MIEF1: variants seen among roughly 807,000 people sequenced by gnomAD.
MIEF1 encodes mitochondrial elongation factor 1.
A neutral mutation model predicts 35.1 loss-of-function variants in MIEF1; 14 were observed. The observed-to-expected ratio is 0.40, with a 90% CI of 0.26 to 0.62. The LOEUF is 0.62. MIEF1 is among the 20% of genes least tolerant of loss of function. The pLI is 0.43. For missense variants in MIEF1, 542 were observed against 615.4 expected (o/e 0.88, Z 1.26); for synonymous variants, 245 against 254.3 (o/e 0.96, Z 0.35).
At chr22:39,503,598 T>A (rs1281197438) in intron 1 of MIEF1, 3 of 152,252 alleles carry the variant, frequency 2.0e-5, no homozygotes, top group Admixed American at 1.3e-4. Flanking sequence ...GCTTCGTGTG[T>A]GCCAAGTGCT....
In MIEF1 at chr22:39,504,520, A is replaced by G. The variant is rs1034916220; in HGVS notation, c.-22A>G. On this transcript the variant is annotated 5_prime_UTR_variant, in exon 2 of 6. Transcript: ENST00000325301. ...TCTTCCATCCCCATCTTACAGATGT[A>G]TTAAGAAGCCTCAGGTACGTAGGCC... 1 of 398,410 alleles carries G rather than the reference A, an allele frequency of 2.5e-6. No individual in the cohort carries two copies. Among genetic ancestry groups the G allele is most frequent in the African/African-American group, 2.1e-5 (1 of 48,748 alleles). 24.7% of individuals were successfully genotyped at this position (398,410 alleles called of 1,614,324 possible).
Position 39,514,382 on chromosome 22 carries a change from A to G in MIEF1, c.*59A>G, listed in dbSNP as rs1294913713. The G allele has an allele frequency of 3.8e-6, 6 of 1,564,254 alleles. No individual in the cohort carries two copies. In the East Asian group the frequency reaches 9.0e-5, roughly 23 times the overall value. On this transcript the variant is annotated 3_prime_UTR_variant, in exon 6 of 6. Transcript: ENST00000325301. ...AGGCCCTGGATTCTCCGTTAGATAC[A>G]CTTGGCTACCTAGTTGGTGCCTCAC... is the stretch of plus-strand genomic sequence containing the variant.
At chr22:39,503,273 C>T (rs578186432) in intron 1 of MIEF1, 1 of 152,326 alleles carries the variant, frequency 6.6e-6, no homozygotes, top group African/African-American at 2.4e-5. Context: ...GTTTCCTCCA[C>T]TTAAAATGGG....
chr22:39,512,087 C>T (rs1467451785), intron 4 of MIEF1, 61 bp downstream of exon 4: 5 of 1,572,142 alleles, frequency 3.2e-6, no homozygotes, highest in Admixed American at 1.8e-5. Flanking sequence ...CTCCTGCACT[C>T]AGCAGATGTT....
Position 39,504,268 on chromosome 22 carries a change from A to G in MIEF1, c.-274A>G, listed in dbSNP as rs1017471026. 2.5e-5 allele frequency: 10 copies of G among 398,976 alleles called. No homozygotes were observed. The highest frequency in any genetic ancestry group is 1.3e-4 in the South Asian group (1 of 7,856). 24.7% of individuals were successfully genotyped at this position (398,976 alleles called of 1,614,324 possible). ...AGCCGAGAGGCGGTGCTGAGTCTCT[A>G]TCGGGCTCTGTTGCGCCAGGGCCGA... On this transcript the variant is annotated 5_prime_UTR_variant, in exon 2 of 6. Transcript: ENST00000325301.
chr22:39,515,303 G>T lies in MIEF1; in HGVS notation c.*980G>T. ...GAGGTAGACAGTCGACTGAATGTCAGCTGGAAAATCCAGTCACTAGTTGGG... is the reference window on the plus strand; with the variant it reads ...GAGGTAGACAGTCGACTGAATGTCATCTGGAAAATCCAGTCACTAGTTGGG... On this transcript the variant is annotated 3_prime_UTR_variant, in exon 6 of 6. Transcript: ENST00000325301. 1.4e-6 allele frequency: 1 copy of T among 717,628 alleles called. No individual in the cohort carries two copies. Among genetic ancestry groups the T allele is most frequent in the Non-Finnish European group, 2.6e-6 (1 of 385,120 alleles). The allele number at this position is 717,628 out of a possible 1,614,324, so 44.5% of individuals were successfully genotyped here.
rs1312773405 is a variant in MIEF1, at chr22:39,512,255, A to G, written c.346A>G (p.Lys116Glu). The G allele has an allele frequency of 6.2e-7, 1 of 1,613,724 alleles. No individual in the cohort carries two copies. The highest frequency in any genetic ancestry group is 8.5e-7 in the Non-Finnish European group (1 of 1,180,016). Residue 116 changes from lysine (K) to glutamate (E), a missense_variant, in exon 5 of 6, where the codon AAG becomes GAG. By Grantham distance (56) the Lys-to-Glu change is moderately conservative (BLOSUM62 1). Coordinates refer to ENST00000325301, the MANE Select transcript of MIEF1 (RefSeq NM_019008.6). The stretch of plus-strand genomic sequence containing the variant: ...AGATACATTCTGCCCGCCCCGGCCC[A>G]AGCCAGTGGCCAGGAAGGGCCAGGT... ...DTDTFCPPRP[K>E]PVARKGQVDL...
intron 2 of MIEF1, among the ~76,000 whole-genome samples, chr22:39,508,845 TAACTC>T (rs1468876852): frequency 3.9e-5 from 6 of 152,220 alleles, no homozygotes; most frequent in African/African-American, 1.4e-4. Context: ...GACTCTTAGT[TAACTC>T]AATTACTGGA....
At position 39,511,389 on chromosome 22, in the gene MIEF1, G is replaced by C; in HGVS notation, c.95G>C (p.Gly32Ala). 1 of 1,609,640 alleles carries C rather than the reference G, an allele frequency of 6.2e-7. No individual in the cohort carries two copies. The highest frequency in any genetic ancestry group is 8.5e-7 in the Non-Finnish European group (1 of 1,177,396). Residue 32 changes from glycine to alanine, a missense_variant, in exon 3 of 6, where the codon GGG (glycine) becomes GCG (alanine). By Grantham distance (60) the Gly-to-Ala change is moderately conservative (BLOSUM62 0). Transcript: ENST00000325301. ...FVLSNARLVLGVGGAAMLGIA... is the reference protein window; with the variant it reads ...FVLSNARLVLAVGGAAMLGIA... ...CTCTCCAATGCCCGGCTGGTGCTGGGGGTGGGTGGAGCGGCCATGCTGGGC... is the reference window on the plus strand; with the variant it reads ...CTCTCCAATGCCCGGCTGGTGCTGGCGGTGGGTGGAGCGGCCATGCTGGGC...
At chr22:39,510,015 A>G (rs965503155) in intron 2 of MIEF1, among the ~76,000 whole-genome samples, 2 of 151,940 alleles carry the variant, frequency 1.3e-5, no homozygotes, top group African/African-American at 2.4e-5. Flanking sequence ...CTAGAGTGCA[A>G]TCGTGTGATC....
At position 39,512,021 on chromosome 22, in the gene MIEF1, A is replaced by C; in HGVS notation, c.317A>C (p.Asp106Ala). The change falls in exon 4 of 6, where the codon GAC becomes GCC. Residue 106 changes from aspartate to alanine, a missense_variant. By Grantham distance (126) the Asp-to-Ala change is moderately radical. Transcript: ENST00000325301. ...CTTCCCACAGACTCCTCCACCTTCG[A>C]CACAGGTGAGAAGGGCTGCTGCCCC... Reference protein sequence around the residue: ...QTLPTDSSTFDTDTFCPPRPK... With the variant: ...QTLPTDSSTFATDTFCPPRPK... 1 of 1,612,462 alleles carries C rather than the reference A, an allele frequency of 6.2e-7. No homozygotes were observed. Among genetic ancestry groups the C allele is most frequent in the Non-Finnish European group, 8.5e-7 (1 of 1,179,242 alleles).
Position 39,513,948 on chromosome 22 carries a change from G to T in MIEF1, c.1017G>T (p.Leu339=), listed in dbSNP as rs1451640679. The change falls in exon 6 of 6, where the codon CTG becomes CTT. Residue 339 remains leucine, a synonymous_variant. Coordinates refer to ENST00000325301, the MANE Select transcript of MIEF1 (RefSeq NM_019008.6). ...RLAQYDNLWR[L]SLRPAETARL... is the part of the protein sequence containing the mutation. ...CCCAGTATGACAACCTGTGGCGGCT[G>T]AGCCTGCGTCCCGCGGAGACGGCAC... The T allele has an allele frequency of 6.2e-7, 1 of 1,613,394 alleles. No homozygotes were observed. The highest frequency in any genetic ancestry group is 1.1e-5 in the South Asian group (1 of 91,090).
chr22:39,505,203 A>G (rs1257756005), intron 2 of MIEF1, among the ~76,000 whole-genome samples: 1 of 152,054 alleles, frequency 6.6e-6, no homozygotes, highest in Non-Finnish European at 1.5e-5. Context: ...CCAAAAAAAA[A>G]AGAGACGGGG....
chr22:39,507,334 C>A (rs1930074327), intron 2 of MIEF1, among the ~76,000 whole-genome samples: 1 of 151,878 alleles, frequency 6.6e-6, no homozygotes, highest in Non-Finnish European at 1.5e-5. Flanking sequence ...CAACCTCTGC[C>A]TCCCGACTTC....
intron 2 of MIEF1, among the ~76,000 whole-genome samples, chr22:39,510,658 A>G (rs769232994): frequency 5.9e-5 from 9 of 152,242 alleles, no homozygotes; most frequent in Non-Finnish European, 1.2e-4. Flanking sequence ...ATGAGCTCCA[A>G]GGTCCCGCTC....
At chr22:39,504,611 T>G (rs1270959511) in intron 2 of MIEF1, 77 bp downstream of exon 2, 3 of 386,342 alleles carry the variant, frequency 7.8e-6, no homozygotes, top group Non-Finnish European at 1.4e-5. Context: ...AGTCATCCTT[T>G]TAGTCATTAG....
intron 4 of MIEF1, 46 bp from the exon 5 acceptor site, chr22:39,512,186 G>A: frequency 6.3e-7 from 1 of 1,591,450 alleles, no homozygotes; most frequent in South Asian, 1.1e-5. Flanking sequence ...TGTGGACTGA[G>A]CAGGCATGGG....
intron 2 of MIEF1, among the ~76,000 whole-genome samples, chr22:39,506,037 C>A (rs182797644): frequency 6.6e-6 from 1 of 152,114 alleles, no homozygotes; most frequent in African/African-American, 2.4e-5. Context: ...GGGTGATGCC[C>A]ATGGGAGCCT....
chr22:39,502,091 A>T (rs375681024), upstream of MIEF1: 1 of 152,340 alleles, frequency 6.6e-6, no homozygotes, highest in African/African-American at 2.4e-5. Flanking sequence ...AACTTCTGCC[A>T]GCATCGGGAC....
Sources: gnomAD v4.1 joint callset for allele counts (sites outside exome capture counted in the v4.1 genomes callset) on GRCh38, gnomAD v4.1.1 for gene constraint, MANE v1.5 for transcripts, NCBI Gene and HGNC (gene_info 2026-07-23, HGNC 2026-07-21) for gene names.